TBC1D22A: variants seen among roughly 807,000 people sequenced by gnomAD.
TBC1D22A encodes putative GTPase activator.
TBC1D22A carries 38 observed loss-of-function variants against 60.2 expected under a neutral mutation model. The ratio of observed to expected loss-of-function variants is 0.63; its 90% CI spans 0.49 to 0.83. The LOEUF (loss-of-function observed/expected upper bound fraction) is 0.83. Ranked by LOEUF, TBC1D22A falls within the 40% of genes least tolerant of loss-of-function variation. TBC1D22A has a pLI of 0.00. For synonymous variants in TBC1D22A, 302 were observed against 281.7 expected (o/e 1.07, Z -0.72); for missense variants, 628 against 701.0 (o/e 0.90, Z 1.18).
intron 12 of TBC1D22A, among the ~76,000 whole-genome samples, chr22:47,114,503 C>T (rs894106227): frequency 1.3e-5 from 2 of 151,914 alleles, no homozygotes; most frequent in Non-Finnish European, 2.9e-5. Flanking sequence ...GGCACTGAAC[C>T]CAATGGGAAA....
chr22:46,994,589 A>G (rs1046140714), intron 9 of TBC1D22A, among the ~76,000 whole-genome samples: 8 of 152,214 alleles, frequency 5.3e-5, no homozygotes, highest in African/African-American at 9.6e-5. Flanking sequence ...GGACAGACCA[A>G]TGGGGTGGTT....
At chr22:46,826,173 A>G (rs187746299) in intron 4 of TBC1D22A, among the ~76,000 whole-genome samples, 71 of 152,012 alleles carry the variant, frequency 4.7e-4, no homozygotes, top group African/African-American at 6.5e-4. Flanking sequence ...GAGCCACCAC[A>G]CCCAGCTGGT....
intron 1 of TBC1D22A, among the ~76,000 whole-genome samples, chr22:46,785,230 T>C (rs1475051894): frequency 6.6e-6 from 1 of 152,202 alleles, no homozygotes; most frequent in Non-Finnish European, 1.5e-5. Flanking sequence ...ATAAGAGGGC[T>C]GATTCACTGA....
intron 4 of TBC1D22A, among the ~76,000 whole-genome samples, chr22:46,832,654 A>AAAAAT (rs1244151802): frequency 1.3e-5 from 2 of 152,266 alleles, no homozygotes; most frequent in African/African-American, 4.8e-5. Context: ...CTCAAAAAAG[A>AAAAAT]AAAATAAATA....
chr22:47,077,005 G>A (rs2064256418), intron 11 of TBC1D22A, among the ~76,000 whole-genome samples: 1 of 152,162 alleles, frequency 6.6e-6, no homozygotes, highest in South Asian at 2.1e-4. Flanking sequence ...TTCACTGAAG[G>A]ATGCATCCTG....
chr22:47,097,104 G>C (rs1399535188), intron 11 of TBC1D22A, among the ~76,000 whole-genome samples: 1 of 152,126 alleles, frequency 6.6e-6, no homozygotes, highest in African/African-American at 2.4e-5. Context: ...GCGTGGCCCC[G>C]TGTCCTCTGT....
At chr22:46,906,801 A>ATG (rs56825272) in intron 7 of TBC1D22A, among the ~76,000 whole-genome samples, 14,241 of 141,726 alleles carry the variant, frequency 0.1, 1,282 homozygotes, top group African/African-American at 0.28. Flanking sequence ...GTGTGTGTGT[A>ATG]TGTGTGTGTG....
At chr22:47,005,654 CCACACA>C (rs1171080303) in intron 10 of TBC1D22A, among the ~76,000 whole-genome samples, 4 of 148,414 alleles carry the variant, frequency 2.7e-5, no homozygotes, top group Non-Finnish European at 6.0e-5. Flanking sequence ...ACACACACAC[CCACACA>C]CACACCCATA....
chr22:47,155,613 C>T (rs992592729), intron 12 of TBC1D22A, among the ~76,000 whole-genome samples: 9 of 151,554 alleles, frequency 5.9e-5, no homozygotes, highest in Admixed American at 1.3e-4. Context: ...GCATGAGGGC[C>T]GGCGAGGACG....
intron 8 of TBC1D22A, among the ~76,000 whole-genome samples, chr22:46,950,260 G>A (rs1401793777): frequency 1.3e-5 from 2 of 152,154 alleles, no homozygotes; most frequent in African/African-American, 2.4e-5. Flanking sequence ...TGGCTCCAAG[G>A]TTTATGCCTC....
rs956427343 is a variant in TBC1D22A at position 47,138,774 on chromosome 22, C to A, written c.1425+27171C>A. On this transcript the variant is annotated intron_variant, in intron 12 of 12. Coordinates refer to ENST00000337137, the MANE Select transcript of TBC1D22A (RefSeq NM_014346.5). Reference sequence around the variant, plus strand: ...ATAATCAAGGCACCGGCAGACCCGGCATCTGGTGAGGGCCCGCTCCTGGTT... The same window carrying A: ...ATAATCAAGGCACCGGCAGACCCGGAATCTGGTGAGGGCCCGCTCCTGGTT... Among the ~76,000 whole-genome samples, 10 of 152,306 alleles carry A rather than the reference C, an allele frequency of 6.6e-5. 1 individual carries two copies. The South Asian group carries it at 1.9e-3, about 28-fold the overall frequency.
chr22:47,121,095 CG>C (rs1191663140), intron 12 of TBC1D22A, among the ~76,000 whole-genome samples: 1 of 152,210 alleles, frequency 6.6e-6, no homozygotes, highest in Non-Finnish European at 1.5e-5. Context: ...TGAGGACAAT[CG>C]GAACAGTCAG....
chr22:46,878,996 G>C (rs2067711123), intron 5 of TBC1D22A, among the ~76,000 whole-genome samples: 1 of 152,104 alleles, frequency 6.6e-6, no homozygotes, highest in South Asian at 2.1e-4. Flanking sequence ...CTATGTTCCA[G>C]CCTGTGATAT....
Position 47,037,092 on chromosome 22 carries a change from A to G in TBC1D22A, c.1223A>G (p.Asp408Gly), listed in dbSNP as rs749322563. 1.9e-6 allele frequency: 3 copies of G among 1,613,704 alleles called. No homozygotes were observed. In the African/African-American group the frequency reaches 4.0e-5, roughly 22 times the overall value. Reference sequence around the variant, plus strand: ...GCAGAGCAAGTGCACCGGCACCTGGACCAACACGAAGTGAGATACCTGCAG... The same window carrying G: ...GCAGAGCAAGTGCACCGGCACCTGGGCCAACACGAAGTGAGATACCTGCAG... ...RIDEQVHRHL[D>G]QHEVRYLQFA... The change falls in exon 11 of 13, where the codon GAC becomes GGC. Residue 408 changes from aspartate to glycine, a missense_variant. By Grantham distance (94) the Asp-to-Gly change is moderately conservative. Transcript: ENST00000337137.
intron 8 of TBC1D22A, among the ~76,000 whole-genome samples, chr22:46,918,379 C>T (rs1455072638): frequency 2.0e-5 from 3 of 152,224 alleles, no homozygotes; most frequent in African/African-American, 4.8e-5. Flanking sequence ...CAGCCACACC[C>T]TTGCCACCCA....
chr22:46,822,557 A>G (rs1360677015), intron 4 of TBC1D22A, among the ~76,000 whole-genome samples: 1 of 151,698 alleles, frequency 6.6e-6, no homozygotes, highest in East Asian at 1.9e-4. Flanking sequence ...CAACTGATTC[A>G]CTCCCATGCC....
At chr22:46,923,802 T>G (rs1292854184) in intron 8 of TBC1D22A, among the ~76,000 whole-genome samples, 2 of 152,258 alleles carry the variant, frequency 1.3e-5, no homozygotes, top group African/African-American at 4.8e-5. Flanking sequence ...AACCTTACAA[T>G]GTAGGCTTTT....
At chr22:47,015,452 C>T (rs2061877756) in intron 10 of TBC1D22A, among the ~76,000 whole-genome samples, 2 of 152,212 alleles carry the variant, frequency 1.3e-5, no homozygotes, top group Non-Finnish European at 2.9e-5. Context: ...TTACACTTGG[C>T]GCCTCCCTTC....
At chr22:47,075,375 T>C (rs1207450554) in intron 11 of TBC1D22A, among the ~76,000 whole-genome samples, 1 of 152,108 alleles carries the variant, frequency 6.6e-6, no homozygotes, top group Non-Finnish European at 1.5e-5. Flanking sequence ...CCAGAGATGC[T>C]GATAGAGCAT....
Sources: allele counts gnomAD v4.1 joint callset (sites outside exome capture counted in the v4.1 genomes callset), GRCh38; gene constraint gnomAD v4.1.1; transcripts MANE v1.5; gene names NCBI Gene and HGNC (gene_info 2026-07-23, HGNC 2026-07-21).